LSAMP: variants seen among roughly 807,000 people sequenced by gnomAD.
LSAMP encodes the protein limbic system-associated membrane protein.
In LSAMP, 7 loss-of-function variants were observed where a neutral mutation model predicts 38.6. The observed-to-expected ratio is 0.18, with a 90% confidence interval of 0.10 to 0.34. LSAMP has a LOEUF of 0.34. Ranked by LOEUF, LSAMP falls within the 10% of genes least tolerant of loss-of-function variation. The pLI, the probability that LSAMP is intolerant of heterozygous loss-of-function variation, is 1.00. For synonymous variants in LSAMP, 154 were observed against 166.8 expected, an observed-to-expected ratio of 0.92 and a Z score of 0.59; for missense variants, 313 against 420.0, an observed-to-expected ratio of 0.75 and a Z score of 2.23.
rs986451316 is a variant in LSAMP, at chr3:116,154,247, G to C, written c.156-67691C>G. Among the ~76,000 whole-genome samples, 8 of 152,210 alleles carry C rather than the reference G, an allele frequency of 5.3e-5. No individual in the cohort carries two copies. In the East Asian group the frequency reaches 7.7e-4, roughly 15 times the overall value. On this transcript the variant is annotated intron_variant, in intron 1 of 6. Coordinates refer to ENST00000490035, the MANE Select transcript of LSAMP (RefSeq NM_002338.5). ...CAAATATCTATTGGCCTGTCTTGAG[G>C]AGCTGCAAGACCAAAGATTTAATTA...
At chr3:116,019,788 C>T in intron 2 of LSAMP, 148 bp from the exon 3 acceptor site, 1 of 797,904 alleles carries the variant, frequency 1.3e-6, no homozygotes, top group Non-Finnish European at 2.0e-6. Flanking sequence ...CCCATGCTTG[C>T]CATCTGCTTA....
chr3:115,974,718 C>A (rs903199309), intron 3 of LSAMP, among the ~76,000 whole-genome samples: 1 of 152,168 alleles, frequency 6.6e-6, no homozygotes, highest in Non-Finnish European at 1.5e-5. Context: ...TGACTAATCT[C>A]ATCTTGTCTT....
At chr3:116,126,498 ACAGT>A (rs1202824404) in intron 1 of LSAMP, among the ~76,000 whole-genome samples, 1 of 152,228 alleles carries the variant, frequency 6.6e-6, no homozygotes, top group Admixed American at 6.5e-5. Context: ...ACCTATGTCC[ACAGT>A]CAGAGCACTA....
intron 1 of LSAMP, among the ~76,000 whole-genome samples, chr3:116,351,989 A>T (rs539218292): frequency 9.9e-5 from 15 of 152,230 alleles, no homozygotes; most frequent in Non-Finnish European, 2.1e-4. Flanking sequence ...TTAGAATGTC[A>T]GAGGAAAGTT....
chr3:116,229,601 C>T (rs1362292827), intron 1 of LSAMP, among the ~76,000 whole-genome samples: 1 of 151,922 alleles, frequency 6.6e-6, no homozygotes, highest in African/African-American at 2.4e-5. Context: ...CTTAGATTTA[C>T]AGAAGAAAAT....
intron 1 of LSAMP, among the ~76,000 whole-genome samples, chr3:116,286,367 A>G (rs1457571168): frequency 6.6e-6 from 1 of 152,188 alleles, no homozygotes; most frequent in Non-Finnish European, 1.5e-5. Context: ...TGCTGGGGTT[A>G]ACAGGGTTTC....
rs968418172 is a variant in LSAMP, at chr3:115,934,919, T to G, written c.515-82302A>C. Among the ~76,000 whole-genome samples the G allele has an allele frequency of 7.4e-4, 113 of 152,138 alleles. 1 individual carries two copies. The highest frequency in any genetic ancestry group is 1.8e-3 in the Admixed American group (28 of 15,274). ...TGGGGAAGATTTTAAAAACACTGTG[T>G]ACAAGTGATGAGTAAGATTAGAATA... On this transcript the variant is annotated intron_variant, in intron 3 of 6. Transcript: ENST00000490035.
chr3:115,825,074 A>C (rs991946133), intron 6 of LSAMP, among the ~76,000 whole-genome samples: 1 of 152,220 alleles, frequency 6.6e-6, no homozygotes, highest in Non-Finnish European at 1.5e-5. Context: ...TGTATGTTTT[A>C]AAATCAAAAC....
At chr3:115,880,270 G>A (rs1465564357) in intron 3 of LSAMP, among the ~76,000 whole-genome samples, 1 of 152,036 alleles carries the variant, frequency 6.6e-6, no homozygotes, top group African/African-American at 2.4e-5. Flanking sequence ...CTCAGATAAC[G>A]AGTTTCATTA....
At chr3:116,340,003 T>C (rs1489993031) in intron 1 of LSAMP, among the ~76,000 whole-genome samples, 3 of 152,038 alleles carry the variant, frequency 2.0e-5, no homozygotes, top group African/African-American at 7.2e-5. Context: ...ATGGTTACTT[T>C]ACAGTTAAAA....
At chr3:116,234,373 A>G (rs1422406968) in intron 1 of LSAMP, among the ~76,000 whole-genome samples, 1 of 152,238 alleles carries the variant, frequency 6.6e-6, no homozygotes, top group Non-Finnish European at 1.5e-5. Flanking sequence ...ATAAGAAGGT[A>G]GAACTTAGTA....
At chr3:116,069,078 C>G (rs958823124) in intron 2 of LSAMP, among the ~76,000 whole-genome samples, 2 of 152,132 alleles carry the variant, frequency 1.3e-5, no homozygotes, top group African/African-American at 2.4e-5. Context: ...TGCATAAAAC[C>G]TTCAGTCAGT....
intron 3 of LSAMP, among the ~76,000 whole-genome samples, chr3:115,934,916 G>T (rs1020920220): frequency 6.6e-6 from 1 of 152,068 alleles, no homozygotes; most frequent in African/African-American, 2.4e-5. Context: ...TAAAAACACT[G>T]TGTACAAGTG....
intron 3 of LSAMP, among the ~76,000 whole-genome samples, chr3:116,006,879 A>C (rs1940175183): frequency 6.6e-6 from 1 of 152,208 alleles, no homozygotes; most frequent in South Asian, 2.1e-4. Context: ...TATGAAGACT[A>C]AATTTCTGTG....
intron 1 of LSAMP, among the ~76,000 whole-genome samples, chr3:116,206,654 G>A (rs1182883245): frequency 5.9e-5 from 9 of 151,460 alleles, no homozygotes; most frequent in East Asian, 1.9e-4. Context: ...CCTTCATTTC[G>A]TTATGTATCC....
At chr3:116,208,509 GT>G (rs945952310) in intron 1 of LSAMP, among the ~76,000 whole-genome samples, 1 of 152,308 alleles carries the variant, frequency 6.6e-6, no homozygotes, top group South Asian at 2.1e-4. Context: ...TTTCTGTTCT[GT>G]TTTTTCCCCA....
intron 1 of LSAMP, among the ~76,000 whole-genome samples, chr3:116,129,025 T>C (rs1313532113): frequency 1.3e-5 from 2 of 152,216 alleles, no homozygotes; most frequent in Non-Finnish European, 2.9e-5. Context: ...AGACTGGATT[T>C]GGTGGATTCA....
At chr3:116,276,772 T>C (rs1056629003) in intron 1 of LSAMP, among the ~76,000 whole-genome samples, 1 of 151,258 alleles carries the variant, frequency 6.6e-6, no homozygotes, top group Non-Finnish European at 1.5e-5. Context: ...AAAAATAAAG[T>C]GTGAGCCCAA....
At chr3:116,218,408 C>T (rs1445331272) in intron 1 of LSAMP, among the ~76,000 whole-genome samples, 2 of 152,126 alleles carry the variant, frequency 1.3e-5, no homozygotes, top group Non-Finnish European at 2.9e-5. Flanking sequence ...TTATTTGTCA[C>T]CAGACTATAT....
Sources: allele counts gnomAD v4.1 joint callset (sites outside exome capture counted in the v4.1 genomes callset), GRCh38; gene constraint gnomAD v4.1.1; transcripts MANE v1.5; gene names NCBI Gene and HGNC (gene_info 2026-07-23, HGNC 2026-07-21).